SLC14A2: variants seen among roughly 807,000 people sequenced by gnomAD.
The protein encoded by SLC14A2 is solute carrier family 14 member 2, also known as urea transporter 2.
A neutral mutation model predicts 104.6 loss-of-function variants in SLC14A2; 91 were observed. That is an observed-to-expected ratio of 0.87 (90% CI 0.73 to 1.04). SLC14A2 has a LOEUF of 1.04. SLC14A2 is among the 50% of genes least tolerant of loss of function. The pLI is 0.00. For synonymous variants in SLC14A2, 476 were observed against 466.4 expected (o/e 1.02, Z -0.27); for missense variants, 1,189 against 1,156.0 (o/e 1.03, Z -0.41).
chr18:45,265,669 G>A (rs2084585010), intron 1 of SLC14A2, among the ~76,000 whole-genome samples: 1 of 152,180 alleles, frequency 6.6e-6, no homozygotes, highest in South Asian at 2.1e-4. Context: ...AAAAACGGAT[G>A]ATTTGGCCAT....
At chr18:45,188,533 T>A in the SLC14A2 span, among the ~76,000 whole-genome samples, 3 of 152,334 alleles carry the variant, frequency 2.0e-5, no homozygotes, top group South Asian at 6.2e-4. Flanking sequence ...CAGCTATTTG[T>A]CTTCACAGGC....
At chr18:45,655,435 G>A (rs944062342) in intron 10 of SLC14A2, among the ~76,000 whole-genome samples, 2 of 152,130 alleles carry the variant, frequency 1.3e-5, no homozygotes, top group African/African-American at 4.8e-5. Flanking sequence ...CCCTGGCCTC[G>A]TTGGACCCCT....
At chr18:45,637,449 A>G (rs2045438693) in intron 6 of SLC14A2, among the ~76,000 whole-genome samples, 2 of 152,244 alleles carry the variant, frequency 1.3e-5, no homozygotes, top group Admixed American at 6.5e-5. Context: ...CCTACATTCT[A>G]TACGGGGAAA....
intron 8 of SLC14A2, among the ~76,000 whole-genome samples, chr18:45,642,236 T>C (rs143018691): frequency 2.6e-5 from 4 of 152,356 alleles, no homozygotes; most frequent in East Asian, 3.9e-4. Flanking sequence ...TTCCCACTTA[T>C]GCTTGGAGAC....
chr18:45,621,173 G>A (rs1383520176), intron 1 of SLC14A2, among the ~76,000 whole-genome samples: 1 of 152,180 alleles, frequency 6.6e-6, no homozygotes, highest in Non-Finnish European at 1.5e-5. Flanking sequence ...GGGAGAGAGC[G>A]CATTGGAGAG....
chr18:45,486,751 T>C (rs758870963), intron 2 of SLC14A2, among the ~76,000 whole-genome samples: 2 of 152,174 alleles, frequency 1.3e-5, no homozygotes, highest in Non-Finnish European at 2.9e-5. Context: ...GCATCTCAAA[T>C]AGGTTTTCCC....
chr18:45,451,640 T>C (rs2612544), intron 1 of SLC14A2, among the ~76,000 whole-genome samples: 129,680 of 152,130 alleles, frequency 0.85, 55,299 homozygotes, highest in South Asian at 0.93. Context: ...CCCTTTTCTC[T>C]TATTCACGTT....
chr18:45,210,668 G>C (rs2083953916), upstream of SLC14A2, among the ~76,000 whole-genome samples: 1 of 152,180 alleles, frequency 6.6e-6, no homozygotes, highest in South Asian at 2.1e-4. Context: ...CAGCATCATG[G>C]ACCACAAGAT....
chr18:45,253,511 A>C (rs1420676070), intron 1 of SLC14A2, among the ~76,000 whole-genome samples: 1 of 150,740 alleles, frequency 6.6e-6, no homozygotes, highest in African/African-American at 2.5e-5. Flanking sequence ...TTAAAAGTCA[A>C]ATGACTGCAA....
At chr18:45,606,143 C>G (rs559733839) in intron 2 of SLC14A2, among the ~76,000 whole-genome samples, 9 of 152,086 alleles carry the variant, frequency 5.9e-5, no homozygotes, top group Non-Finnish European at 1.3e-4. Context: ...CCAGGGAACC[C>G]TCATCTCTCC....
chr18:45,268,044 G>A (rs528602292), intron 1 of SLC14A2, among the ~76,000 whole-genome samples: 28 of 152,196 alleles, frequency 1.8e-4, no homozygotes, highest in Non-Finnish European at 3.5e-4. Context: ...GCACTTGACC[G>A]TAAAATGTTG....
intron 2 of SLC14A2, among the ~76,000 whole-genome samples, chr18:45,509,523 G>GA (rs1418290669): frequency 2.0e-5 from 3 of 151,626 alleles, no homozygotes; most frequent in East Asian, 1.9e-4. Context: ...AGGTTTAAAA[G>GA]AAAAAAAAGA....
At position 45,664,355 on chromosome 18, in the gene SLC14A2, G is replaced by T. The variant is rs951674285; in HGVS notation, c.1474+448G>T. 2.0e-5 allele frequency among the ~76,000 whole-genome samples: 3 copies of T among 152,356 alleles called. No individual in the cohort carries two copies. In the East Asian group the frequency reaches 5.8e-4, roughly 29 times the overall value. ...GGGCACAGGTAGAGACCCATGGTGGGGAAAGTGCTGCCAAAGGCCAGGAAG... is the reference window on the plus strand; with the variant it reads ...GGGCACAGGTAGAGACCCATGGTGGTGAAAGTGCTGCCAAAGGCCAGGAAG... On this transcript the variant is annotated intron_variant, in intron 11 of 19. Coordinates refer to ENST00000255226, the MANE Select transcript of SLC14A2 (RefSeq NM_007163.4).
chr18:45,581,375 A>C (rs890383539), intron 2 of SLC14A2, among the ~76,000 whole-genome samples: 3 of 152,206 alleles, frequency 2.0e-5, no homozygotes, highest in African/African-American at 7.2e-5. Flanking sequence ...TCAGTATCCA[A>C]GCTAAGGAGA....
chr18:45,181,797 C>G, the SLC14A2 span, among the ~76,000 whole-genome samples: 1 of 141,392 alleles, frequency 7.1e-6, no homozygotes, highest in Admixed American at 6.9e-5. Context: ...TACAGAAAAA[C>G]AGTTTACTTT....
chr18:45,613,879 G>A (rs759982781), upstream of SLC14A2, among the ~76,000 whole-genome samples: 104 of 152,348 alleles, frequency 6.8e-4, no homozygotes, highest in Admixed American at 1.2e-3. Flanking sequence ...GCAGCCTGAC[G>A]ATGTGATGGA....
At chr18:45,195,011 C>A in the SLC14A2 span, among the ~76,000 whole-genome samples, 1 of 152,098 alleles carries the variant, frequency 6.6e-6, no homozygotes, top group African/African-American at 2.4e-5. Context: ...CGTGAATGGG[C>A]AGAGAAAGAA....
intron 2 of SLC14A2, among the ~76,000 whole-genome samples, chr18:45,568,209 G>T (rs1029773943): frequency 6.6e-6 from 1 of 152,166 alleles, no homozygotes; most frequent in Non-Finnish European, 1.5e-5. Context: ...TCCCCAGCAG[G>T]CTTGTGCCTT....
chr18:45,457,548 T>C (rs1045313763), intron 1 of SLC14A2, among the ~76,000 whole-genome samples: 2 of 152,190 alleles, frequency 1.3e-5, no homozygotes, highest in African/African-American at 4.8e-5. Flanking sequence ...TTGGGCCACA[T>C]TTCTCAAGCC....
Sources: gnomAD v4.1 joint callset for allele counts (sites outside exome capture counted in the v4.1 genomes callset) on GRCh38, gnomAD v4.1.1 for gene constraint, MANE v1.5 for transcripts, NCBI Gene and HGNC (gene_info 2026-07-23, HGNC 2026-07-21) for gene names.